Variants in BIK observed in about 807,000 individuals in gnomAD.
The protein encoded by BIK is bcl-2-interacting killer.
In BIK, 14 loss-of-function variants were observed where a neutral mutation model predicts 12.1. The ratio of observed to expected loss-of-function variants is 1.16; its 90% CI spans 0.77 to 1.81. The LOEUF (loss-of-function observed/expected upper bound fraction) is 1.81. BIK is among the 40% of genes most tolerant of loss of function. The pLI, the probability that BIK is intolerant of heterozygous loss-of-function variation, is 0.00. For missense variants in BIK, 215 were observed against 207.9 expected (o/e 1.03, Z -0.21); for synonymous variants, 86 against 92.3 (o/e 0.93, Z 0.39).
chr22:43,121,563 C>T (rs962587283), intron 1 of BIK, among the ~76,000 whole-genome samples: 2 of 152,074 alleles, frequency 1.3e-5, no homozygotes, highest in African/African-American at 4.8e-5. Context: ...AGGTGAGGTT[C>T]CACTGTTGCT....
At chr22:43,125,480 CG>C (rs779684909) in intron 2 of BIK, among the ~76,000 whole-genome samples, 15 of 150,892 alleles carry the variant, frequency 9.9e-5, no homozygotes, top group Non-Finnish European at 1.6e-4. Flanking sequence ...CTGAGGTGGG[CG>C]GATCACCTGA....
At chr22:43,124,271 G>T in intron 2 of BIK, 88 bp downstream of exon 2, 1 of 1,439,272 alleles carries the variant, frequency 6.9e-7, no homozygotes, top group Non-Finnish European at 9.5e-7. Context: ...GCGGGGGAGC[G>T]CCTGCAGATG....
At chr22:43,126,719 G>A (rs948255592) in intron 2 of BIK, among the ~76,000 whole-genome samples, 1 of 152,086 alleles carries the variant, frequency 6.6e-6, no homozygotes, top group Non-Finnish European at 1.5e-5. Flanking sequence ...TCAGCCTCAG[G>A]ATTTTTAGTC....
chr22:43,116,082 T>C lies in BIK; in HGVS notation c.-8+5279T>C, dbSNP rs377031818. Reference sequence around the variant, plus strand: ...CAGAACTTGTTTTAAATATGAACTTTTGAAACTTAACAACTGTAGGCCCAG... The same window carrying C: ...CAGAACTTGTTTTAAATATGAACTTCTGAAACTTAACAACTGTAGGCCCAG... On this transcript the variant is annotated intron_variant, in intron 1 of 4. Transcript: ENST00000216115. 1.2e-4 allele frequency among the ~76,000 whole-genome samples: 19 copies of C among 152,312 alleles called. 1 individual carries two copies. The highest frequency in any genetic ancestry group is 4.6e-4 in the African/African-American group (19 of 41,572).
At chr22:43,117,264 C>T (rs1930133422) in intron 1 of BIK, among the ~76,000 whole-genome samples, 1 of 152,042 alleles carries the variant, frequency 6.6e-6, no homozygotes, top group Non-Finnish European at 1.5e-5. Context: ...ACCTTTTTAT[C>T]CAAGTTACTA....
chr22:43,117,395 G>A (rs1930136131), intron 1 of BIK, among the ~76,000 whole-genome samples: 1 of 142,906 alleles, frequency 7.0e-6, no homozygotes, highest in African/African-American at 2.6e-5. Context: ...TTTTGAGACA[G>A]TCTCACTCTG....
At chr22:43,121,643 G>A (rs1308691281) in intron 1 of BIK, among the ~76,000 whole-genome samples, 1 of 152,074 alleles carries the variant, frequency 6.6e-6, no homozygotes, top group African/African-American at 2.4e-5. Context: ...TTTTCGAGGG[G>A]AAGGGAAAGG....
At chr22:43,125,643 C>T (rs1243388671) in intron 2 of BIK, among the ~76,000 whole-genome samples, 1 of 152,050 alleles carries the variant, frequency 6.6e-6, no homozygotes, top group Non-Finnish European at 1.5e-5. Flanking sequence ...TCACTTGAAC[C>T]CGGGACGTGG....
At chr22:43,118,171 G>A (rs1442233335) in intron 1 of BIK, among the ~76,000 whole-genome samples, 1 of 152,118 alleles carries the variant, frequency 6.6e-6, no homozygotes, top group Non-Finnish European at 1.5e-5. Context: ...GCAGGGGTGT[G>A]TGTGGGATGC....
At chr22:43,113,868 T>C (rs964357605) in intron 1 of BIK, among the ~76,000 whole-genome samples, 2 of 152,356 alleles carry the variant, frequency 1.3e-5, no homozygotes, top group Admixed American at 1.3e-4. Flanking sequence ...TTGAGCCGTA[T>C]GGAGGAAGTC....
rs75665563 is a variant in BIK, at chr22:43,123,031, G to A, written c.-7-985G>A. ...ATGAATGAGGATGCAGGGCCACCCCGAAGAAAATTGGGGTTCTATCAGCAA... is the reference window on the plus strand; with the variant it reads ...ATGAATGAGGATGCAGGGCCACCCCAAAGAAAATTGGGGTTCTATCAGCAA... On this transcript the variant is annotated intron_variant, in intron 1 of 4. Transcript: ENST00000216115. 2.6e-3 allele frequency among the ~76,000 whole-genome samples: 401 copies of A among 152,294 alleles called. 6 individuals are homozygous for A. The highest frequency in any genetic ancestry group is 9.3e-3 in the African/African-American group (387 of 41,566).
Position 43,124,068 on chromosome 22 carries a change from C to T in BIK, c.46C>T (p.Leu16Phe). 1.2e-6 allele frequency: 2 copies of T among 1,614,176 alleles called. No homozygotes were observed. Among genetic ancestry groups the T allele is most frequent in the Non-Finnish European group, 1.7e-6 (2 of 1,180,026 alleles). ...CTCCAGAGACATCTTGATGGAGACC[C>T]TCCTGTATGAGCAGCTCCTGGAACC... ...PLSRDILMET[L>F]LYEQLLEPPT... Residue 16 changes from leucine to phenylalanine, a missense_variant, in exon 2 of 5, where the codon CTC (leucine) becomes TTC (phenylalanine). Leu to Phe is a conservative substitution (Grantham distance 22, BLOSUM62 0). Transcript: ENST00000216115.
chr22:43,123,513 C>T (rs1484555741), intron 1 of BIK, among the ~76,000 whole-genome samples: 1 of 152,130 alleles, frequency 6.6e-6, no homozygotes, highest in East Asian at 1.9e-4. Flanking sequence ...CTTTGGGAGG[C>T]CGAGGTGGGG....
intron 2 of BIK, 24 bp from the exon 3 acceptor site, chr22:43,127,673 G>T: frequency 6.5e-7 from 1 of 1,539,584 alleles, no homozygotes; most frequent in Non-Finnish European, 8.8e-7. Flanking sequence ...AGCCACACCC[G>T]ACTCCTGTGT....
At chr22:43,111,720 C>G (rs1930015215) in intron 1 of BIK, among the ~76,000 whole-genome samples, 1 of 152,200 alleles carries the variant, frequency 6.6e-6, no homozygotes, top group Non-Finnish European at 1.5e-5. Flanking sequence ...GCTGTTTTAA[C>G]GCAGTGTTTA....
intron 1 of BIK, among the ~76,000 whole-genome samples, chr22:43,118,398 C>T (rs1387785332): frequency 1.3e-5 from 2 of 152,222 alleles, no homozygotes; most frequent in Non-Finnish European, 2.9e-5. Context: ...TGTTTTCATC[C>T]TCTCAGCAGC....
intron 1 of BIK, among the ~76,000 whole-genome samples, chr22:43,114,830 G>T (rs965210030): frequency 1.3e-5 from 2 of 152,202 alleles, no homozygotes; most frequent in Admixed American, 6.5e-5. Flanking sequence ...GGCACTTACT[G>T]CATACCATGC....
rs763332800 is a variant in BIK, at chr22:43,128,495, G to A, written c.261-1G>A. On this transcript the variant is annotated splice_acceptor_variant, in intron 3 of 4. Coordinates refer to ENST00000216115, the MANE Select transcript of BIK (RefSeq NM_001197.5). LOFTEE classifies it high-confidence loss of function. ...TGTCCCCCCATCCTCTTTGTCTATA[G>A]CCTGGGTCTGGCTTTCATCTACGAC... The A allele has an allele frequency of 6.2e-7, 1 of 1,613,528 alleles. No homozygotes were observed. Among genetic ancestry groups the A allele is most frequent in the Non-Finnish European group, 8.5e-7 (1 of 1,179,502 alleles).
chr22:43,113,850 A>C (rs1930058780), intron 1 of BIK, among the ~76,000 whole-genome samples: 1 of 152,196 alleles, frequency 6.6e-6, no homozygotes, highest in African/African-American at 2.4e-5. Context: ...GTCTGTGCTC[A>C]GAACAGTTTG....
Sources: allele counts gnomAD v4.1 joint callset (sites outside exome capture counted in the v4.1 genomes callset), GRCh38; gene constraint gnomAD v4.1.1; transcripts MANE v1.5; gene names NCBI Gene and HGNC (gene_info 2026-07-23, HGNC 2026-07-21).